The following LAMA5 variants were observed in gnomAD, a reference collection of about 807,000 sequenced individuals.
LAMA5 encodes the protein laminin subunit alpha-5.
A neutral mutation model predicts 433.4 loss-of-function variants in LAMA5; 260 were observed. That is an observed-to-expected ratio of 0.60 (90% CI 0.54 to 0.66). The LOEUF (loss-of-function observed/expected upper bound fraction) is 0.66, where lower values mean the gene tolerates loss of function less well. Among genes scored for constraint, LAMA5 ranks in the 30% least tolerant of loss-of-function variants. LAMA5 has a pLI of 0.00. For missense variants in LAMA5, 5,378 were observed against 5,258.5 expected, an observed-to-expected ratio of 1.02 and a Z score of -0.70; for synonymous variants, 2,620 against 2,226.6, an observed-to-expected ratio of 1.18 and a Z score of -4.97.
At chr20:62,361,116 GTACGC>G (rs1179154118) in intron 2 of LAMA5, among the ~76,000 whole-genome samples, 5 of 152,146 alleles carry the variant, frequency 3.3e-5, no homozygotes, top group Non-Finnish European at 7.4e-5. Flanking sequence ...GAATTCACAC[GTACGC>G]TACAGCCAAG....
At chr20:62,360,938 T>C (rs529909847) in intron 2 of LAMA5, among the ~76,000 whole-genome samples, 1 of 152,224 alleles carries the variant, frequency 6.6e-6, no homozygotes, top group Non-Finnish European at 1.5e-5. Flanking sequence ...CCGGCTTCCC[T>C]GCCCCACCCA....
chr20:62,318,790 C>T (rs1435283260), intron 52 of LAMA5, 53 bp downstream of exon 52: 7 of 1,591,966 alleles, frequency 4.4e-6, no homozygotes, highest in Non-Finnish European at 6.0e-6. Context: ...CCCCTTGGAG[C>T]TCCCAGGTCC....
At chr20:62,321,714 A>G (rs62204495) in intron 48 of LAMA5, among the ~76,000 whole-genome samples, 12 of 23,944 alleles carry the variant, frequency 5.0e-4, no homozygotes, top group East Asian at 4.8e-3. Context: ...CAGGGCCAGC[A>G]GAGGGGTGGG....
rs114290713 is a variant in LAMA5, at chr20:62,362,381, C to A, written c.450+19G>T. Reference sequence around the variant, plus strand: ...AGACACAGAGATGGGGGCTGCAGCACGCAAAGAAGGGTCCCTACCTGGCCC... The same window carrying A: ...AGACACAGAGATGGGGGCTGCAGCAAGCAAAGAAGGGTCCCTACCTGGCCC... On this transcript the variant is annotated intron_variant, in intron 2 of 79. Coordinates refer to ENST00000252999, the MANE Select transcript of LAMA5 (RefSeq NM_005560.6). 7 of 1,482,124 alleles carry A rather than the reference C, an allele frequency of 4.7e-6. No homozygotes were observed. In the African/African-American group the frequency reaches 9.9e-5, roughly 21 times the overall value. 91.8% of individuals were successfully genotyped at this position (1,482,124 alleles called of 1,614,324 possible).
At position 62,320,678 on chromosome 20, in the gene LAMA5, G is replaced by A. The variant is rs1430905154; in HGVS notation, c.6649-9C>T. On this transcript the variant is annotated splice_polypyrimidine_tract_variant and intron_variant, in intron 49 of 79. Coordinates refer to ENST00000252999, the MANE Select transcript of LAMA5 (RefSeq NM_005560.6). ...GGGCTCCGGAGCTGGCTCTGTGGGA[G>A]GCGAAAGGTGAAGGCCTGCACTGGC... is the stretch of plus-strand genomic sequence containing the variant. The A allele has an allele frequency of 6.2e-7, 1 of 1,611,174 alleles. No individual in the cohort carries two copies. The highest frequency in any genetic ancestry group is 8.5e-7 in the Non-Finnish European group (1 of 1,179,312).
intron 18 of LAMA5, among the ~76,000 whole-genome samples, chr20:62,336,054 G>A (rs955072315): frequency 7.1e-6 from 1 of 140,548 alleles, no homozygotes; most frequent in South Asian, 2.3e-4. Flanking sequence ...ACTCCCTTTA[G>A]GGCACACTCA....
Position 62,316,722 on chromosome 20 carries a change from T to C in LAMA5, c.7705A>G (p.Ser2569Gly). The C allele has an allele frequency of 1.2e-6, 2 of 1,609,854 alleles. No homozygotes were observed. Among genetic ancestry groups the C allele is most frequent in the Non-Finnish European group, 1.7e-6 (2 of 1,178,282 alleles). ...VDRAQQLLAN[S>G]TALEEAMLQE... ...AGCATGGCCTCTTCTAGTGCAGTGC[T>C]GTTGGCCAGGAGCTGCTGGGCTCGG... The change falls in exon 57 of 80, where the codon AGC becomes GGC. Residue 2569 changes from serine (S) to glycine (G), a missense_variant. Transcript: ENST00000252999.
chr20:62,319,783 G>A lies in LAMA5; in HGVS notation c.6772C>T (p.Arg2258Ter), dbSNP rs1382493765. Residue 2258 changes from arginine (R) to a stop codon, truncating the protein, a stop_gained, in exon 51 of 80, where the codon CGA (arginine) becomes TGA (stop). Coordinates refer to ENST00000252999, the MANE Select transcript of LAMA5 (RefSeq NM_005560.6). LOFTEE classifies it high-confidence loss of function. ...RRLGGQAVGT[R>*]DQASQLLAGT... Reference sequence around the variant, plus strand: ...GCCAGCAATTGGCTCGCCTGGTCTCGGGTCCCCACGGCCTGTGGAGGAAGA... The same window carrying A: ...GCCAGCAATTGGCTCGCCTGGTCTCAGGTCCCCACGGCCTGTGGAGGAAGA... 12 of 1,546,270 alleles carry A rather than the reference G, an allele frequency of 7.8e-6. No homozygotes were observed. The highest frequency in any genetic ancestry group is 1.7e-4 in the Middle Eastern group (1 of 5,884).
In LAMA5 at chr20:62,309,566, CT is replaced by C. The variant is rs1440087305; in HGVS notation, c.10949-92del. The stretch of plus-strand genomic sequence containing the variant: ...CAAACGTCAGTGCCCCACCCAGCCC[CT>C]GTCTCATTCCACATCATAGGAGGGT... On this transcript the variant is annotated intron_variant, in intron 79 of 79. Coordinates refer to ENST00000252999, the MANE Select transcript of LAMA5 (RefSeq NM_005560.6). 8.2e-6 allele frequency: 7 copies of C among 850,464 alleles called. No homozygotes were observed. In the African/African-American group the frequency reaches 1.6e-4, roughly 19 times the overall value. 52.7% of individuals were successfully genotyped at this position (850,464 alleles called of 1,614,324 possible). A position where few individuals can be genotyped will look rare whatever the true frequency, so the allele number is the denominator to read the frequency against.
In LAMA5 at chr20:62,318,843, ATC is replaced by A; in HGVS notation, c.7040_7041del (p.Arg2347IlefsTer87). The A allele has an allele frequency of 6.2e-7, 1 of 1,609,916 alleles. No homozygotes were observed. Among genetic ancestry groups the A allele is most frequent in the Non-Finnish European group, 8.5e-7 (1 of 1,179,222 alleles). On this transcript the variant is annotated frameshift_variant and splice_region_variant, in exon 52 of 80. Transcript: ENST00000252999. LOFTEE classifies it high-confidence loss of function. ...AAEAELAAAQ[R>X]LLARVQEQLS... ...GCCTGCCAGGGACAACACCACTCAC[ATC>A]TCTGTGCTGCAGCCAACTCAGCCTC...
In LAMA5 at chr20:62,347,041, C is replaced by A. The variant is rs770905027; in HGVS notation, c.957-13G>T. 5.3e-5 allele frequency: 85 copies of A among 1,604,784 alleles called. No homozygotes were observed. The East Asian group carries it at 1.9e-3, about 35-fold the overall frequency. ...GGTGCACTGCAGCCTGTGGGGTACA[C>A]AGGAGGGGGGATCAGGCCCATCCTG... On this transcript the variant is annotated splice_polypyrimidine_tract_variant and intron_variant, in intron 6 of 79. Coordinates refer to ENST00000252999, the MANE Select transcript of LAMA5 (RefSeq NM_005560.6).
At chr20:62,331,837 A>C (rs1980519159) in intron 28 of LAMA5, among the ~76,000 whole-genome samples, 1 of 152,162 alleles carries the variant, frequency 6.6e-6, no homozygotes, top group African/African-American at 2.4e-5. Flanking sequence ...GGATCACCTG[A>C]GGTCAGGAGT....
intron 16 of LAMA5, 179 bp from the exon 17 acceptor site, chr20:62,336,965 G>A (rs1268301334): frequency 4.2e-6 from 3 of 706,290 alleles, no homozygotes; most frequent in East Asian, 2.7e-5. Flanking sequence ...AGCAACGGAC[G>A]TGCCATCCCA....
chr20:62,350,567 A>G, intron 6 of LAMA5, among the ~76,000 whole-genome samples: 1 of 152,166 alleles, frequency 6.6e-6, no homozygotes, highest in East Asian at 1.9e-4. Context: ...AAGGCCCCAC[A>G]GAAGGCAAGG....
In LAMA5 at chr20:62,346,690, C is replaced by A; in HGVS notation, c.1183G>T (p.Asp395Tyr). The A allele has an allele frequency of 6.2e-7, 1 of 1,613,094 alleles. No homozygotes were observed. Among genetic ancestry groups the A allele is most frequent in the South Asian group, 1.1e-5 (1 of 91,032 alleles). The change falls in exon 8 of 80, where the codon GAC becomes TAC. Residue 395 changes from aspartate (D) to tyrosine (Y), a missense_variant. Asp to Tyr is a radical substitution (Grantham distance 160). Transcript: ENST00000252999. ...GTYQGGGVCI[D>Y]CQHHTTGVNC... Reference sequence around the variant, plus strand: ...CCTCTAGCCCAGCCCACCTGGCAGTCGATACAGACACCCCCACCCTGATAG... The same window carrying A: ...CCTCTAGCCCAGCCCACCTGGCAGTAGATACAGACACCCCCACCCTGATAG...
At position 62,323,873 on chromosome 20, in the gene LAMA5, C is replaced by G. The variant is rs776314934; in HGVS notation, c.5769-17G>C. ...TCGGCGAAGCTGCAAAGACCAGCAG[C>G]GTCAGTCACTAGGCCCCTGGCAGTG... On this transcript the variant is annotated splice_polypyrimidine_tract_variant and intron_variant, in intron 43 of 79. Transcript: ENST00000252999. The G allele has an allele frequency of 6.3e-6, 10 of 1,591,674 alleles. No homozygotes were observed. The highest frequency in any genetic ancestry group is 3.4e-5 in the Admixed American group (2 of 58,196).
At chr20:62,345,943 C>T (rs1421270494) in intron 10 of LAMA5, 66 bp from the exon 11 acceptor site, 17 of 1,559,034 alleles carry the variant, frequency 1.1e-5, no homozygotes, top group East Asian at 2.3e-5. Context: ...CACCCCCTGC[C>T]ACCCTTGGTC....
In LAMA5 at chr20:62,320,638, TGGC is replaced by T. The variant is rs1568915423; in HGVS notation, c.6677_6679del (p.Arg2226del). 6.2e-7 allele frequency: 1 copy of T among 1,609,512 alleles called. No homozygotes were observed. The highest frequency in any genetic ancestry group is 2.2e-5 in the East Asian group (1 of 44,790). On this transcript the variant is annotated inframe_deletion, in exon 50 of 80. Coordinates refer to ENST00000252999, the MANE Select transcript of LAMA5 (RefSeq NM_005560.6). ...CACCTCCAGCTGCTGTGCCGTCTCATGGCGGGGGCCCAGGGGGCTCCGGAGCTG... is the reference window on the plus strand; with the variant it reads ...CACCTCCAGCTGCTGTGCCGTCTCATGGGGGCCCAGGGGGCTCCGGAGCTG...
At chr20:62,352,188 T>C (rs574517958) in intron 4 of LAMA5, 54 bp downstream of exon 4, 5 of 1,549,548 alleles carry the variant, frequency 3.2e-6, no homozygotes, top group Non-Finnish European at 4.4e-6. Flanking sequence ...GCCCCTCCCC[T>C]ACCCACCTCT....
Sources: gnomAD v4.1 joint callset for allele counts (sites outside exome capture counted in the v4.1 genomes callset) on GRCh38, gnomAD v4.1.1 for gene constraint, MANE v1.5 for transcripts, NCBI Gene and HGNC (gene_info 2026-07-23, HGNC 2026-07-21) for gene names.